DIAPH2: variants seen among roughly 807,000 people sequenced by gnomAD.
DIAPH2 encodes protein diaphanous homolog 2.
A neutral mutation model predicts 92.7 loss-of-function variants in DIAPH2; 35 were observed. The ratio of observed to expected loss-of-function variants is 0.38; its 90% CI spans 0.29 to 0.50. The LOEUF (loss-of-function observed/expected upper bound fraction) is 0.50, where lower values mean the gene tolerates loss of function less well. Ranked by LOEUF, DIAPH2 falls within the 20% of genes least tolerant of loss-of-function variation. DIAPH2 has a pLI of 0.94. For synonymous variants in DIAPH2, 301 were observed against 280.4 expected (o/e 1.07, Z -0.73); for missense variants, 701 against 819.5 (o/e 0.86, Z 1.77).
chrX:96,805,086 T>C (rs1393131249), intron 4 of DIAPH2, among the ~76,000 whole-genome samples: 2 of 110,645 alleles, frequency 1.8e-5, no homozygotes, highest in African/African-American at 3.3e-5. Flanking sequence ...ATAGGCAAAA[T>C]AATGGGAATG....
At chrX:96,724,805 AAG>A (rs1454347853) in intron 1 of DIAPH2, among the ~76,000 whole-genome samples, 1 of 112,457 alleles carries the variant, frequency 8.9e-6, no homozygotes, top group Admixed American at 9.4e-5. Context: ...TATTAATTAA[AAG>A]AGAAAATAAA....
chrX:97,207,400 T>C (rs2067806373), intron 22 of DIAPH2, among the ~76,000 whole-genome samples: 1 of 112,018 alleles, frequency 8.9e-6, no homozygotes, highest in Non-Finnish European at 1.9e-5. Flanking sequence ...GTAACAACAG[T>C]AATCGCAAGA....
At chrX:97,068,848 A>C (rs1487455746) in intron 17 of DIAPH2, among the ~76,000 whole-genome samples, 4 of 112,220 alleles carry the variant, frequency 3.6e-5, no homozygotes, top group Non-Finnish European at 7.5e-5. Flanking sequence ...TGTATGCGTG[A>C]AGTTACATAA....
At chrX:97,262,092 TAAA>T (rs35665297) in intron 23 of DIAPH2, among the ~76,000 whole-genome samples, 2 of 60,521 alleles carry the variant, frequency 3.3e-5, no homozygotes, top group African/African-American at 7.0e-5. Context: ...GATGAGAAAC[TAAA>T]AAAAAAAAAA....
intron 26 of DIAPH2, among the ~76,000 whole-genome samples, chrX:97,535,237 A>G (rs140358767): frequency 2.2e-3 from 243 of 112,305 alleles, no homozygotes; most frequent in African/African-American, 7.5e-3. Context: ...ACACTAGTAT[A>G]AGATATTTAC....
chrX:97,001,193 G>C (rs943936212), intron 17 of DIAPH2, among the ~76,000 whole-genome samples: 1 of 111,833 alleles, frequency 8.9e-6, no homozygotes, highest in Non-Finnish European at 1.9e-5. Context: ...TGTTTGTTTT[G>C]TTCCCTTCAC....
At chrX:97,059,175 T>C (rs1409837475) in intron 17 of DIAPH2, among the ~76,000 whole-genome samples, 1 of 111,718 alleles carries the variant, frequency 9.0e-6, no homozygotes, top group Non-Finnish European at 1.9e-5. Flanking sequence ...GAAACTGTAA[T>C]CTCTCCATCT....
chrX:97,012,146 A>G (rs1439112149), intron 17 of DIAPH2, among the ~76,000 whole-genome samples: 1 of 111,190 alleles, frequency 9.0e-6, no homozygotes, highest in Non-Finnish European at 1.9e-5. Context: ...ATAGGGAGAT[A>G]GTATTTCTCA....
At chrX:96,961,030 T>C (rs909883231) in intron 16 of DIAPH2, among the ~76,000 whole-genome samples, 7 of 111,773 alleles carry the variant, frequency 6.3e-5, no homozygotes, top group African/African-American at 2.3e-4. Context: ...TATGCCTGTG[T>C]TCATCTGGGA....
At chrX:96,946,878 A>G (rs949066739) in intron 14 of DIAPH2, among the ~76,000 whole-genome samples, 2 of 111,762 alleles carry the variant, frequency 1.8e-5, no homozygotes, top group African/African-American at 6.5e-5. Context: ...TAGTGTCATC[A>G]CCAACATTTA....
chrX:96,985,921 G>A (rs751645169), intron 17 of DIAPH2, among the ~76,000 whole-genome samples: 1 of 110,802 alleles, frequency 9.0e-6, no homozygotes, highest in African/African-American at 3.3e-5. Context: ...GTTAGCAGGG[G>A]CAGGCATGAC....
chrX:96,721,782 C>T (rs1265864548), intron 1 of DIAPH2, among the ~76,000 whole-genome samples: 2 of 111,479 alleles, frequency 1.8e-5, no homozygotes, highest in Non-Finnish European at 3.8e-5. Context: ...GGACAGAGAA[C>T]ATTATATGGT....
rs780354625 is a variant in DIAPH2 at position 96,794,248 on chromosome X, T to C, written c.447+35990T>C. 3.6e-5 allele frequency among the ~76,000 whole-genome samples: 4 copies of C among 111,533 alleles called. No individual in the cohort carries two copies. The South Asian group carries it at 1.1e-3, about 32-fold the overall frequency. Reference sequence around the variant, plus strand: ...GTTGCCTCCCCAACGGCCCTAACTCTTAATACTATTACATTGGGATTAGGT... The same window carrying C: ...GTTGCCTCCCCAACGGCCCTAACTCCTAATACTATTACATTGGGATTAGGT... On this transcript the variant is annotated intron_variant, in intron 4 of 26. Coordinates refer to ENST00000324765, the MANE Select transcript of DIAPH2 (RefSeq NM_006729.5).
chrX:97,212,133 G>T (rs1229284952), intron 22 of DIAPH2, among the ~76,000 whole-genome samples: 1 of 111,560 alleles, frequency 9.0e-6, no homozygotes. Context: ...AAATCATTTA[G>T]AATTATTAAT....
At chrX:97,594,758 G>A (rs1004093614) in intron 26 of DIAPH2, among the ~76,000 whole-genome samples, 4 of 112,116 alleles carry the variant, frequency 3.6e-5, no homozygotes, top group African/African-American at 9.7e-5. Context: ...GTAACACTAT[G>A]TATATAAGGG....
At chrX:96,870,565 C>T (rs2065135011) in intron 4 of DIAPH2, among the ~76,000 whole-genome samples, 1 of 110,260 alleles carries the variant, frequency 9.1e-6, no homozygotes, top group African/African-American at 3.3e-5. Context: ...CAATCCCATT[C>T]AGTGCTGGAG....
At chrX:96,797,279 G>A (rs1272780549) in intron 4 of DIAPH2, among the ~76,000 whole-genome samples, 1 of 110,596 alleles carries the variant, frequency 9.0e-6, no homozygotes. Flanking sequence ...TCAGGAATTC[G>A]AGAGTAGCCT....
intron 22 of DIAPH2, among the ~76,000 whole-genome samples, chrX:97,179,236 T>C (rs940212079): frequency 7.0e-5 from 6 of 85,963 alleles, no homozygotes; most frequent in Admixed American, 6.2e-4. Context: ...TGAGTGTGCC[T>C]TTTTTTTTTT....
intron 26 of DIAPH2, among the ~76,000 whole-genome samples, chrX:97,430,898 G>A (rs771030386): frequency 1.8e-5 from 2 of 112,203 alleles, no homozygotes; most frequent in African/African-American, 6.5e-5. Flanking sequence ...GCTATTTATG[G>A]ATGGTCCCTG....
Sources: gnomAD v4.1 joint callset for allele counts (sites outside exome capture counted in the v4.1 genomes callset) on GRCh38, gnomAD v4.1.1 for gene constraint, MANE v1.5 for transcripts, NCBI Gene and HGNC (gene_info 2026-07-23, HGNC 2026-07-21) for gene names.